Variants in ASAP3 observed in about 807,000 individuals in gnomAD.
ASAP3 encodes ArfGAP with SH3 domain, ankyrin repeat and PH domain 3, also known as arf-GAP with SH3 domain, ANK repeat and PH domain-containing protein 3.
ASAP3 carries 85 observed loss-of-function variants against 118.2 expected under a neutral mutation model. The ratio of observed to expected loss-of-function variants is 0.72; its 90% confidence interval spans 0.60 to 0.86. ASAP3 has a LOEUF of 0.86. Among genes scored for constraint, ASAP3 ranks in the 40% least tolerant of loss-of-function variants. The probability of loss-of-function intolerance (pLI) is 0.00; values close to 1 mark genes in which losing one functional copy is unlikely to be tolerated. For synonymous variants in ASAP3, 432 were observed against 477.4 expected, an observed-to-expected ratio of 0.90 and a Z score of 1.24; for missense variants, 1,026 against 1,175.0, an observed-to-expected ratio of 0.87 and a Z score of 1.85.
At chr1:23,449,741 G>A (rs549173780) in intron 5 of ASAP3, among the ~76,000 whole-genome samples, 26 of 152,262 alleles carry the variant, frequency 1.7e-4, no homozygotes, top group Admixed American at 8.5e-4. Flanking sequence ...ATAACTCACC[G>A]AATAACCTCA....
rs536099975 is a variant in ASAP3, at chr1:23,433,192, G to A, written c.2208C>T (p.Val736=). 1.5e-5 allele frequency: 25 copies of A among 1,614,014 alleles called. No homozygotes were observed. Among genetic ancestry groups the A allele is most frequent in the South Asian group, 1.4e-4 (13 of 91,076 alleles). Residue 736 remains valine, a synonymous_variant, in exon 22 of 25, where the codon GTC becomes GTT. Transcript: ENST00000336689. The part of the protein sequence containing the change: ...LDISNKTYET[V]ASLGAATPQG... Reference sequence around the variant, plus strand: ...GAGGGGTGGCTGCTCCCAGGCTGGCGACAGTCTCATAGGTCTTGTTGCTGA... The same window carrying A: ...GAGGGGTGGCTGCTCCCAGGCTGGCAACAGTCTCATAGGTCTTGTTGCTGA...
In ASAP3 at chr1:23,442,224, G is replaced by A. The variant is rs774899692; in HGVS notation, c.633C>T (p.Phe211=). 1.2e-6 allele frequency: 2 copies of A among 1,607,790 alleles called. No individual in the cohort carries two copies. The highest frequency in any genetic ancestry group is 8.5e-7 in the Non-Finnish European group (1 of 1,177,720). The stretch of plus-strand genomic sequence containing the variant: ...GGAAGAACTTGATGAGGCTCTGAAG[G>A]AAGTCAGGACCTTGCTTCATCTGGC... ...GESQMKQGPD[F]LQSLIKFFHA... Residue 211 remains phenylalanine (F), a synonymous_variant, in exon 7 of 25, where the codon TTC becomes TTT. Transcript: ENST00000336689.
At chr1:23,442,370 G>T in intron 6 of ASAP3, 99 bp from the exon 7 acceptor site, 4 of 1,571,134 alleles carry the variant, frequency 2.5e-6, no homozygotes, top group Middle Eastern at 1.9e-4. Flanking sequence ...TCCTGGCTGC[G>T]ACTGGGCCTT....
intron 1 of ASAP3, among the ~76,000 whole-genome samples, chr1:23,460,027 A>C (rs1304005283): frequency 6.6e-6 from 1 of 152,228 alleles, no homozygotes; most frequent in Non-Finnish European, 1.5e-5. Context: ...ACTTCCAAAA[A>C]GTATCTTACA....
chr1:23,434,191 C>T (rs372250073), intron 19 of ASAP3, 63 bp downstream of exon 19: 5 of 1,515,276 alleles, frequency 3.3e-6, no homozygotes, highest in Admixed American at 3.4e-5. Flanking sequence ...CCGAGACCAT[C>T]GGAAGTCCAC....
chr1:23,432,352 C>T (rs568086564), intron 22 of ASAP3, among the ~76,000 whole-genome samples: 2 of 152,286 alleles, frequency 1.3e-5, no homozygotes, highest in East Asian at 3.9e-4. Context: ...CCCCATCTAC[C>T]TGTCCAGTAT....
intron 5 of ASAP3, among the ~76,000 whole-genome samples, chr1:23,442,823 A>C (rs943412201): frequency 2.0e-5 from 3 of 152,172 alleles, no homozygotes; most frequent in Non-Finnish European, 4.4e-5. Context: ...CACGCAGAGA[A>C]CTATGGGAGA....
At chr1:23,482,743 T>C (rs1642348386) in intron 1 of ASAP3, among the ~76,000 whole-genome samples, 1 of 151,620 alleles carries the variant, frequency 6.6e-6, no homozygotes. Flanking sequence ...GGTCAGGAGA[T>C]CGAGACCATC....
intron 1 of ASAP3, among the ~76,000 whole-genome samples, chr1:23,481,788 C>T (rs554844743): frequency 7.4e-4 from 113 of 152,296 alleles, no homozygotes; most frequent in Admixed American, 2.0e-3. Flanking sequence ...GCATTTCTGT[C>T]CATGGATAAG....
intron 1 of ASAP3, among the ~76,000 whole-genome samples, chr1:23,457,687 A>AT (rs1389822509): frequency 6.6e-5 from 10 of 152,120 alleles, no homozygotes; most frequent in East Asian, 1.9e-4. Flanking sequence ...AATTTTTTGT[A>AT]TTTTTAGTAG....
chr1:23,468,004 T>C (rs1052060623), intron 1 of ASAP3, among the ~76,000 whole-genome samples: 8 of 150,024 alleles, frequency 5.3e-5, no homozygotes, highest in Admixed American at 4.6e-4. Context: ...AAAACTTGTA[T>C]AGAGCTTTAC....
intron 1 of ASAP3, among the ~76,000 whole-genome samples, chr1:23,481,664 G>C (rs1181071521): frequency 2.0e-5 from 3 of 152,176 alleles, no homozygotes; most frequent in Non-Finnish European, 4.4e-5. Context: ...GGGCAAAGCT[G>C]AGCCCTGAAC....
Position 23,436,311 on chromosome 1 carries a change from T to C in ASAP3, c.1571+249A>G, listed in dbSNP as rs1259629735. On this transcript the variant is annotated intron_variant, in intron 16 of 24. Coordinates refer to ENST00000336689, the MANE Select transcript of ASAP3 (RefSeq NM_017707.4). The surrounding 1 kb of genome is among the most constrained non-coding windows in gnomAD (Gnocchi z 4.2). The stretch of plus-strand genomic sequence containing the variant: ...CTGAGTAGCTGGAATTACAGGCGTG[T>C]GCCACCACGCCCAGCTAATTCTTGT... Among the ~76,000 whole-genome samples the C allele has an allele frequency of 6.6e-6, 1 of 152,178 alleles. No individual in the cohort carries two copies. Among genetic ancestry groups the C allele is most frequent in the African/African-American group, 2.4e-5 (1 of 41,438 alleles).
intron 22 of ASAP3, among the ~76,000 whole-genome samples, chr1:23,432,566 CACA>C (rs1384831080): frequency 2.0e-5 from 3 of 152,224 alleles, no homozygotes; most frequent in African/African-American, 7.2e-5. Context: ...CCCAACCTCC[CACA>C]ACAAGTCTGT....
chr1:23,456,436 C>CA (rs148333340), intron 1 of ASAP3, among the ~76,000 whole-genome samples: 212 of 152,246 alleles, frequency 1.4e-3, no homozygotes, highest in African/African-American at 4.7e-3. Flanking sequence ...TCCCTGAATC[C>CA]AATGCAGCGT....
At chr1:23,476,587 T>C (rs1264187872) in intron 1 of ASAP3, among the ~76,000 whole-genome samples, 2 of 152,200 alleles carry the variant, frequency 1.3e-5, no homozygotes, top group African/African-American at 4.8e-5. Context: ...GCAACTGATA[T>C]GATCTTTCTA....
Position 23,436,986 on chromosome 1 carries a change from G to A in ASAP3, c.1401C>T (p.Val467=). The part of the protein sequence containing the change: ...GVLTCIQCSG[V]HRELGVRFSR... ...AAAAGCGCACGCCCAGTTCGCGGTGGACGCCCGAGCACTGGATGCAGGTGA... is the reference window on the plus strand; with the variant it reads ...AAAAGCGCACGCCCAGTTCGCGGTGAACGCCCGAGCACTGGATGCAGGTGA... The change falls in exon 15 of 25, where the codon GTC becomes GTT. Residue 467 remains valine (V), a synonymous_variant. Transcript: ENST00000336689. The surrounding 1 kb of genome is among the most constrained non-coding windows in gnomAD (Gnocchi z 4.2). 1 of 1,612,368 alleles carries A rather than the reference G, an allele frequency of 6.2e-7. No individual in the cohort carries two copies. The highest frequency in any genetic ancestry group is 8.5e-7 in the Non-Finnish European group (1 of 1,179,700).
chr1:23,442,560 C>T lies in ASAP3; in HGVS notation c.526G>A (p.Gly176Arg). 2 of 1,614,158 alleles carry T rather than the reference C, an allele frequency of 1.2e-6. No homozygotes were observed. The highest frequency in any genetic ancestry group is 1.7e-6 in the Non-Finnish European group (2 of 1,180,022). ...DRARVTGGIPGEVAQDMQRER... is the reference protein window; with the variant it reads ...DRARVTGGIPREVAQDMQRER... ...CTCTGCATGTCCTGGGCCACCTCCC[C>T]AGGGATCCCTCCTGTCACCCTGGCC... Residue 176 changes from glycine to arginine, a missense_variant, in exon 6 of 25, where the codon GGG (glycine) becomes AGG (arginine). Physicochemically the swap from Gly to Arg is moderately radical, Grantham distance 125. Transcript: ENST00000336689.
chr1:23,450,035 C>T (rs1278010446), intron 5 of ASAP3, among the ~76,000 whole-genome samples: 1 of 152,184 alleles, frequency 6.6e-6, no homozygotes, highest in Non-Finnish European at 1.5e-5. Context: ...GATGGCCGTG[C>T]CCCATCACAG....
Sources: gnomAD v4.1 joint callset for allele counts (sites outside exome capture counted in the v4.1 genomes callset) on GRCh38, gnomAD v4.1.1 for gene constraint, Gnocchi (gnomAD v3.1) non-coding constraint, MANE v1.5 for transcripts, NCBI Gene and HGNC (gene_info 2026-07-23, HGNC 2026-07-21) for gene names.